The following MTAP variants were observed in gnomAD, a reference collection of about 807,000 sequenced individuals.
MTAP encodes methylthioadenosine phosphorylase, also known as S-methyl-5'-thioadenosine phosphorylase.
In MTAP, 33 loss-of-function variants were observed where a neutral mutation model predicts 33.6. The ratio of observed to expected loss-of-function variants is 0.98; its 90% CI spans 0.74 to 1.31. MTAP has a LOEUF of 1.31. MTAP is among the 40% of genes most tolerant of loss of function. The probability of loss-of-function intolerance (pLI) is 0.00; values close to 1 mark genes in which losing one functional copy is unlikely to be tolerated. For synonymous variants in MTAP, 148 were observed against 125.7 expected (o/e 1.18, Z -1.19); for missense variants, 367 against 360.0 (o/e 1.02, Z -0.16).
At chr9:21,939,870 G>C (rs184177175), downstream of MTAP, among the ~76,000 whole-genome samples, 1 of 151,782 alleles carries the variant, frequency 6.6e-6, no homozygotes, top group Non-Finnish European at 1.5e-5. Flanking sequence ...GTGACAGAGT[G>C]AGACTCTGTC....
chr9:21,813,660 G>T (rs535488106), intron 1 of MTAP: 7 of 152,228 alleles, frequency 4.6e-5, no homozygotes, highest in African/African-American at 1.7e-4. Context: ...GGAACACCCA[G>T]AAACAGCCAG....
rs78374179 is a variant in MTAP at position 21,922,734 on chromosome 9, A to C, written c.148-8274A>C. Among the ~76,000 whole-genome samples the C allele has an allele frequency of 0.024, 3,667 of 152,054 alleles. 143 individuals are homozygous for C. The highest frequency in any genetic ancestry group is 0.082 in the African/African-American group (3,419 of 41,456). On this transcript the variant is annotated intron_variant, in intron 1 of 1. Transcript: ENST00000577563. This position sits in a 1 kb window ranked among gnomAD's most constrained non-coding sequence, Gnocchi z 4.8. Reference sequence around the variant, plus strand: ...TCCTGCCTTCCAACCAATTCCCAGAACTATTACTCTCAGCCACAGTGGCTC... The same window carrying C: ...TCCTGCCTTCCAACCAATTCCCAGACCTATTACTCTCAGCCACAGTGGCTC...
chr9:21,895,585 C>G (rs1818277941), intron 1 of MTAP, among the ~76,000 whole-genome samples: 1 of 152,124 alleles, frequency 6.6e-6, no homozygotes. Flanking sequence ...ACAGATGGTA[C>G]CTGGAAAACT....
intron 1 of MTAP, among the ~76,000 whole-genome samples, chr9:21,906,454 AGGAGAGAGGAGGAGAGCAGAGAGG>A (rs1563866130): frequency 6.6e-6 from 1 of 152,038 alleles, no homozygotes; most frequent in African/African-American, 2.4e-5. Flanking sequence ...AATGCACGAG[AGGAGAGAGGAGGAGAGCAGAGAGG>A]GGAGAGAGGA....
intron 5 of MTAP, among the ~76,000 whole-genome samples, chr9:21,846,803 T>TA (rs1442750930): frequency 6.6e-6 from 1 of 152,200 alleles, no homozygotes; most frequent in Non-Finnish European, 1.5e-5. Flanking sequence ...CAGCACAACT[T>TA]ACAATTGTAA....
At chr9:21,811,295 G>A (rs562920463) in intron 1 of MTAP, among the ~76,000 whole-genome samples, 10 of 152,214 alleles carry the variant, frequency 6.6e-5, no homozygotes, top group Non-Finnish European at 1.5e-4. Context: ...CCTGTAGCCA[G>A]GTACTAGAAG....
chr9:21,867,360 C>T (rs1289185175), downstream of MTAP, among the ~76,000 whole-genome samples: 2 of 152,044 alleles, frequency 1.3e-5, no homozygotes, highest in African/African-American at 4.8e-5. Flanking sequence ...CCTTTTATTC[C>T]TATTTTGCCA....
chr9:21,804,428 G>C (rs187768076), intron 1 of MTAP, among the ~76,000 whole-genome samples: 43 of 152,330 alleles, frequency 2.8e-4, no homozygotes, highest in African/African-American at 9.9e-4. Flanking sequence ...TTTAAGTGCA[G>C]AATGGGCAAT....
At chr9:21,926,235 T>C (rs1818867449) in intron 1 of MTAP, among the ~76,000 whole-genome samples, 1 of 152,206 alleles carries the variant, frequency 6.6e-6, no homozygotes, top group South Asian at 2.1e-4. Context: ...AGCTTCCTCT[T>C]TGACCTCTGG....
At chr9:21,846,282 C>T (rs1825379235) in intron 5 of MTAP, among the ~76,000 whole-genome samples, 1 of 152,098 alleles carries the variant, frequency 6.6e-6, no homozygotes, top group African/African-American at 2.4e-5. Context: ...ATCTAAAATG[C>T]TTCAGCACAA....
chr9:21,829,292 T>C (rs1824905657), intron 4 of MTAP, among the ~76,000 whole-genome samples: 2 of 152,336 alleles, frequency 1.3e-5, no homozygotes, highest in South Asian at 4.1e-4. Context: ...GGCAGGAGCA[T>C]TGAATCAGGA....
chr9:21,926,820 G>A (rs1450219838), intron 1 of MTAP, among the ~76,000 whole-genome samples: 5 of 152,072 alleles, frequency 3.3e-5, no homozygotes, highest in Admixed American at 6.6e-5. Context: ...AAGGCACATC[G>A]ATTAAGAAAA....
downstream of MTAP, among the ~76,000 whole-genome samples, chr9:21,939,948 G>A: frequency 6.6e-6 from 1 of 151,908 alleles, no homozygotes; most frequent in Non-Finnish European, 1.5e-5. Flanking sequence ...TATTACCAAG[G>A]TTTTAAATAG....
chr9:21,854,616 G>C lies in MTAP; in HGVS notation c.451-15G>C. On this transcript the variant is annotated splice_polypyrimidine_tract_variant and intron_variant, in intron 5 of 7. Coordinates refer to ENST00000644715, the MANE Select transcript of MTAP (RefSeq NM_002451.4). ...GTGCTAGTATGTTTTGAAGTTTCTGGTTTTTCTTTTCTAGGTTCTTATAGA... is the reference window on the plus strand; with the variant it reads ...GTGCTAGTATGTTTTGAAGTTTCTGCTTTTTCTTTTCTAGGTTCTTATAGA... The C allele has an allele frequency of 6.5e-7, 1 of 1,527,992 alleles. No individual in the cohort carries two copies. The highest frequency in any genetic ancestry group is 8.8e-7 in the Non-Finnish European group (1 of 1,139,166). 94.7% of individuals were successfully genotyped at this position (1,527,992 alleles called of 1,614,324 possible).
At chr9:21,927,270 C>A (rs529314180) in intron 1 of MTAP, among the ~76,000 whole-genome samples, 52 of 152,344 alleles carry the variant, frequency 3.4e-4, no homozygotes, top group African/African-American at 1.2e-3. Flanking sequence ...GGTGGCCACA[C>A]TGCCTAAAGG....
In MTAP at chr9:21,862,097, G is replaced by A. The variant is rs1809470243; in HGVS notation, c.*83G>A. On this transcript the variant is annotated 3_prime_UTR_variant, in exon 8 of 8. Transcript: ENST00000644715. Reference sequence around the variant, plus strand: ...TCCTGCTTAACTTGAAAAAAATATGGGAAAGACATGCAGCTTTCATGCCCT... The same window carrying A: ...TCCTGCTTAACTTGAAAAAAATATGAGAAAGACATGCAGCTTTCATGCCCT... The A allele has an allele frequency of 2.5e-6, 4 of 1,606,610 alleles. No homozygotes were observed. Among genetic ancestry groups the A allele is most frequent in the Non-Finnish European group, 3.4e-6 (4 of 1,177,084 alleles).
chr9:21,859,035 C>T (rs1411809842), intron 6 of MTAP: 1 of 263,924 alleles, frequency 3.8e-6, no homozygotes, highest in Non-Finnish European at 7.0e-6. Flanking sequence ...ACTGGAACCT[C>T]ACACGGTGGA....
At chr9:21,904,405 T>C (rs747488578) in intron 1 of MTAP, among the ~76,000 whole-genome samples, 2 of 152,194 alleles carry the variant, frequency 1.3e-5, no homozygotes, top group African/African-American at 2.4e-5. Context: ...CCTCCTCCTC[T>C]ACCCAGCATT....
chr9:21,869,934 G>C (rs925920761), downstream of MTAP, among the ~76,000 whole-genome samples: 1 of 152,144 alleles, frequency 6.6e-6, no homozygotes. Context: ...CATGTGATTT[G>C]CACTTGCCCT....
Sources: allele counts gnomAD v4.1 joint callset (sites outside exome capture counted in the v4.1 genomes callset), GRCh38; gene constraint gnomAD v4.1.1; non-coding constraint Gnocchi (gnomAD v3.1); transcripts MANE v1.5; gene names NCBI Gene and HGNC (gene_info 2026-07-23, HGNC 2026-07-21).